NLGN4X: variants seen among roughly 807,000 people sequenced by gnomAD.
NLGN4X encodes the protein neuroligin-4, X-linked.
A neutral mutation model predicts 40.3 loss-of-function variants in NLGN4X; 3 were observed. That is an observed-to-expected ratio of 0.07 (90% CI 0.03 to 0.19). NLGN4X has a LOEUF of 0.19. NLGN4X is among the 10% of genes least tolerant of loss of function. The pLI is 1.00. For synonymous variants in NLGN4X, 270 were observed against 306.8 expected (o/e 0.88, Z 1.25); for missense variants, 382 against 708.3 (o/e 0.54, Z 5.23).
At chrX:6,063,476 C>A (rs1023867932) in intron 2 of NLGN4X, among the ~76,000 whole-genome samples, 1 of 111,645 alleles carries the variant, frequency 9.0e-6, no homozygotes, top group African/African-American at 3.3e-5. Flanking sequence ...GGGCAAGACC[C>A]TGTCTTTAAA....
chrX:6,205,947 T>A (rs1483071461), intron 1 of NLGN4X, among the ~76,000 whole-genome samples: 1 of 112,022 alleles, frequency 8.9e-6, no homozygotes, highest in Admixed American at 9.5e-5. Context: ...GCATCTCATA[T>A]CCCTAATCAT....
chrX:5,962,927 A>AC (rs201841953), intron 3 of NLGN4X, among the ~76,000 whole-genome samples: 1,803 of 86,009 alleles, frequency 0.021, 49 homozygotes, highest in African/African-American at 0.054. Flanking sequence ...GTTGTTTATT[A>AC]CCCCCCCCCA....
chrX:6,143,523 T>C (rs1467010095), intron 2 of NLGN4X, among the ~76,000 whole-genome samples: 1 of 112,351 alleles, frequency 8.9e-6, no homozygotes, highest in African/African-American at 3.2e-5. Flanking sequence ...ATTTCGGTAT[T>C]TTGTTATATG....
rs200236820 is a variant in NLGN4X at position 5,925,867 on chromosome X, TATATACATACACAC to T, written c.626-16642_626-16629del. Among the ~76,000 whole-genome samples, 14 of 58,068 alleles carry T rather than the reference TATATACATACACAC, an allele frequency of 2.4e-4. 1 individual carries two copies. Among genetic ancestry groups the T allele is most frequent in the African/African-American group, 8.4e-4 (12 of 14,232 alleles). The allele number at this position is 58,068 out of a possible 115,157, so 50.4% of individuals were successfully genotyped here. On this transcript the variant is annotated intron_variant, in intron 3 of 5. Coordinates refer to ENST00000381095, the MANE Select transcript of NLGN4X (RefSeq NM_181332.3). The stretch of plus-strand genomic sequence containing the variant: ...ATACATACACATATATATATATATA[TATATACATACACAC>T]ATATATATATATATATATATATATA...
chrX:5,985,989 A>C (rs1156981655), intron 3 of NLGN4X, among the ~76,000 whole-genome samples: 1 of 112,365 alleles, frequency 8.9e-6, no homozygotes, highest in African/African-American at 3.2e-5. Flanking sequence ...TATAAAATGC[A>C]AGAAACTAAA....
chrX:5,941,190 T>G (rs1317130998), intron 3 of NLGN4X, among the ~76,000 whole-genome samples: 2 of 80,423 alleles, frequency 2.5e-5, no homozygotes, highest in East Asian at 3.9e-4. Context: ...GGTGTGTGTG[T>G]GTGTGTGTGT....
rs749649054 is a variant in NLGN4X at position 6,042,685 on chromosome X, T to TTATATA, written c.473-13259_473-13254dup. On this transcript the variant is annotated intron_variant, in intron 2 of 5. Coordinates refer to ENST00000381095, the MANE Select transcript of NLGN4X (RefSeq NM_181332.3). ...AAAACCTAACATACCCATAGAGGTT[T>TTATATA]TATATATATATATATATATATATAT... 1.2e-3 allele frequency among the ~76,000 whole-genome samples: 35 copies of TTATATA among 28,374 alleles called. No homozygotes were observed. In the South Asian group the frequency reaches 0.014, roughly 11 times the overall value. 24.6% of individuals were successfully genotyped at this position (28,374 alleles called of 115,157 possible).
rs916534434 is a variant in NLGN4X, at chrX:6,221,786, G to C, written c.-306+6755C>G. On this transcript the variant is annotated intron_variant, in intron 1 of 5. Transcript: ENST00000381095. ...CATGCTTTTGAGACCACAGTTCCAT[G>C]CTGAACAGCTCTGACCATTGGAGTC... Among the ~76,000 whole-genome samples the C allele has an allele frequency of 1.3e-4, 14 of 110,410 alleles. No homozygotes were observed. The Admixed American group carries it at 1.4e-3, about 11-fold the overall frequency.
chrX:6,182,672 G>A (rs1476975329), intron 1 of NLGN4X, among the ~76,000 whole-genome samples: 1 of 111,666 alleles, frequency 9.0e-6, no homozygotes, highest in Non-Finnish European at 1.9e-5. Context: ...GCATTACAAG[G>A]GCCCTTACAA....
At chrX:6,205,130 A>C (rs4826837) in intron 1 of NLGN4X, among the ~76,000 whole-genome samples, 9,422 of 111,861 alleles carry the variant, frequency 0.084, 303 homozygotes, top group South Asian at 0.16. Flanking sequence ...CCCAACTTGC[A>C]GTTTTCTCAT....
intron 1 of NLGN4X, among the ~76,000 whole-genome samples, chrX:6,164,095 T>C (rs2040453664): frequency 8.9e-6 from 1 of 112,843 alleles, no homozygotes; most frequent in Non-Finnish European, 1.9e-5. Flanking sequence ...GGCTTCACGA[T>C]GTAGTCCCTA....
At chrX:6,032,224 AGC>A (rs767614257) in intron 2 of NLGN4X, among the ~76,000 whole-genome samples, 1 of 8,260 alleles carries the variant, frequency 1.2e-4, no homozygotes, top group African/African-American at 2.4e-4. Flanking sequence ...CTGATATTTC[AGC>A]CCCCCCCCCC....
intron 3 of NLGN4X, among the ~76,000 whole-genome samples, chrX:5,986,822 C>T (rs1366320332): frequency 9.0e-6 from 1 of 111,634 alleles, no homozygotes; most frequent in Non-Finnish European, 1.9e-5. Flanking sequence ...CATGTACACA[C>T]GCTAGATCAG....
At chrX:6,055,736 T>C (rs2037608620) in intron 2 of NLGN4X, among the ~76,000 whole-genome samples, 1 of 112,247 alleles carries the variant, frequency 8.9e-6, no homozygotes, top group African/African-American at 3.2e-5. Flanking sequence ...AAAATAATTA[T>C]CTGAAAAATG....
intron 3 of NLGN4X, among the ~76,000 whole-genome samples, chrX:5,925,897 T>TATACATAC (rs2033282983): frequency 1.0e-4 from 2 of 19,144 alleles, no homozygotes; most frequent in Non-Finnish European, 1.6e-4. Context: ...TATATATATA[T>TATACATAC]ATATATATAT....
intron 3 of NLGN4X, among the ~76,000 whole-genome samples, chrX:5,964,446 T>TA (rs899517720): frequency 8.9e-6 from 1 of 112,248 alleles, no homozygotes; most frequent in Non-Finnish European, 1.9e-5. Context: ...CAAGTAAAGT[T>TA]AAATTTGAAA....
rs1201838225 is a variant in NLGN4X at position 6,087,125 on chromosome X, G to T, written c.473-57693C>A. Among the ~76,000 whole-genome samples the T allele has an allele frequency of 4.5e-5, 5 of 111,234 alleles. No homozygotes were observed. The East Asian group carries it at 1.1e-3, about 25-fold the overall frequency. On this transcript the variant is annotated intron_variant, in intron 2 of 5. Transcript: ENST00000381095. Reference sequence around the variant, plus strand: ...AAAAGTTACTCAAACTCACTACAAAGAATTTTTTAAAATCTTAAATATAGG... The same window carrying T: ...AAAAGTTACTCAAACTCACTACAAATAATTTTTTAAAATCTTAAATATAGG...
rs770867032 is a variant in NLGN4X, at chrX:6,151,268, A to G, written c.199T>C (p.Leu67=). 8.3e-7 allele frequency: 1 copy of G among 1,211,794 alleles called. No individual in the cohort carries two copies. Among genetic ancestry groups the G allele is most frequent in the Admixed American group, 2.2e-5 (1 of 46,046 alleles). The change falls in exon 2 of 6, where the codon TTG becomes CTG. Residue 67 remains leucine, a synonymous_variant. Coordinates refer to ENST00000381095, the MANE Select transcript of NLGN4X (RefSeq NM_181332.3). Reference sequence around the variant, plus strand: ...CCTAAGTACTGCTCCACTGGACCCAAGATCTCATTGGGTAACGGTGTTCTT... The same window carrying G: ...CCTAAGTACTGCTCCACTGGACCCAGGATCTCATTGGGTAACGGTGTTCTT... ...GLRTPLPNEI[L]GPVEQYLGVP... is the part of the protein sequence containing the mutation.
chrX:5,942,536 G>A (rs1385314929), intron 3 of NLGN4X, among the ~76,000 whole-genome samples: 1 of 110,481 alleles, frequency 9.1e-6, no homozygotes, highest in Non-Finnish European at 1.9e-5. Context: ...AGAAAAATTA[G>A]GTGGTGTGGT....
Sources: allele counts gnomAD v4.1 joint callset (sites outside exome capture counted in the v4.1 genomes callset), GRCh38; gene constraint gnomAD v4.1.1; transcripts MANE v1.5; gene names NCBI Gene and HGNC (gene_info 2026-07-23, HGNC 2026-07-21).